Variants in KLHL1 observed in about 807,000 individuals in gnomAD.
KLHL1 encodes kelch like family member 1.
In KLHL1, 47 loss-of-function variants were observed where a neutral mutation model predicts 77.7. The ratio of observed to expected loss-of-function variants is 0.60; its 90% CI spans 0.48 to 0.77. The LOEUF (loss-of-function observed/expected upper bound fraction) is 0.77. KLHL1 is among the 30% of genes least tolerant of loss of function. The probability of loss-of-function intolerance (pLI) is 0.00; values close to 1 mark genes in which losing one functional copy is unlikely to be tolerated. For missense variants in KLHL1, 925 were observed against 910.8 expected, an observed-to-expected ratio of 1.02 and a Z score of -0.20; for synonymous variants, 360 against 325.2, an observed-to-expected ratio of 1.11 and a Z score of -1.15.
At chr13:69,781,590 G>C (rs540200288) in intron 7 of KLHL1, among the ~76,000 whole-genome samples, 3 of 152,072 alleles carry the variant, frequency 2.0e-5, no homozygotes, top group African/African-American at 4.8e-5. Context: ...ATTCATGCTT[G>C]TTGTTCTCAT....
intron 1 of KLHL1, among the ~76,000 whole-genome samples, chr13:70,071,830 G>GCATGGAA (rs1887144651): frequency 6.6e-6 from 1 of 151,974 alleles, no homozygotes; most frequent in Admixed American, 6.6e-5. Context: ...ATGGAATACA[G>GCATGGAA]TACATACAGC....
At chr13:69,946,046 C>T (rs1048894269) in intron 3 of KLHL1, among the ~76,000 whole-genome samples, 3 of 151,876 alleles carry the variant, frequency 2.0e-5, no homozygotes, top group Non-Finnish European at 4.4e-5. Flanking sequence ...ATGTTGAGTG[C>T]AAGATAATTA....
intron 8 of KLHL1, among the ~76,000 whole-genome samples, chr13:69,737,352 T>A (rs1471013967): frequency 6.6e-6 from 1 of 152,194 alleles, no homozygotes; most frequent in Admixed American, 6.5e-5. Context: ...AGGAGATCCG[T>A]CCACTCCCGT....
rs369996004 is a variant in KLHL1, at chr13:69,979,853, T to C, written c.498-4051A>G. Among the ~76,000 whole-genome samples, 81 of 152,332 alleles carry C rather than the reference T, an allele frequency of 5.3e-4. 1 individual carries two copies. The South Asian group carries it at 0.016, about 31-fold the overall frequency. ...ATAAAATTGTTTTGATCTCTTGAAC[T>C]CCTCAAACCATAGCTATACTATTCT... On this transcript the variant is annotated intron_variant, in intron 1 of 10. Transcript: ENST00000377844.
At chr13:69,761,439 T>C (rs141849776) in intron 7 of KLHL1, among the ~76,000 whole-genome samples, 97 of 152,314 alleles carry the variant, frequency 6.4e-4, no homozygotes, top group East Asian at 5.0e-3. Context: ...GATGGAACTT[T>C]AGGCTAAACT....
intron 1 of KLHL1, among the ~76,000 whole-genome samples, chr13:70,033,456 A>G (rs1469616155): frequency 6.6e-6 from 1 of 151,460 alleles, no homozygotes; most frequent in Non-Finnish European, 1.5e-5. Context: ...CGCCTGGCTA[A>G]TTTGTTTTTT....
intron 1 of KLHL1, among the ~76,000 whole-genome samples, chr13:69,997,351 A>T (rs572746339): frequency 6.6e-6 from 1 of 151,710 alleles, no homozygotes; most frequent in Admixed American, 6.6e-5. Flanking sequence ...CAAATTGTTG[A>T]ATGCACAATG....
At chr13:70,057,322 T>C (rs1471209214) in intron 1 of KLHL1, among the ~76,000 whole-genome samples, 1 of 151,992 alleles carries the variant, frequency 6.6e-6, no homozygotes, top group Admixed American at 6.6e-5. Context: ...TCTTAGAACC[T>C]TATAGCTTCA....
Position 69,961,353 on chromosome 13 carries a change from T to G in KLHL1, c.772A>C (p.Ile258Leu). 6.2e-7 allele frequency: 1 copy of G among 1,613,164 alleles called. No homozygotes were observed. Among genetic ancestry groups the G allele is most frequent in the Non-Finnish European group, 8.5e-7 (1 of 1,179,378 alleles). The change falls in exon 3 of 11, where the codon ATA becomes CTA. Residue 258 changes from isoleucine to leucine, a missense_variant. Ile to Leu is a conservative substitution (Grantham distance 5). Transcript: ENST00000377844. The stretch of plus-strand genomic sequence containing the variant: ...AGGTCCCAGAGAGCATTGGGGTCTA[T>G]GCCTTCCATTTTGATCTCCTCTTGC... The part of the protein sequence containing the change: ...AKQEEIKMEG[I>L]DPNALWDLVQ...
chr13:69,974,252 T>C (rs1265817416), intron 2 of KLHL1, among the ~76,000 whole-genome samples: 4 of 151,140 alleles, frequency 2.6e-5, no homozygotes, highest in African/African-American at 7.3e-5. Context: ...GTATTTAGTT[T>C]AATATATTCT....
intron 8 of KLHL1, among the ~76,000 whole-genome samples, chr13:69,730,936 C>T (rs1055795105): frequency 1.1e-4 from 17 of 151,994 alleles, no homozygotes; most frequent in Non-Finnish European, 2.2e-4. Context: ...TAGATATACC[C>T]ACTGGATAGT....
chr13:70,087,848 G>C (rs1249067159), intron 1 of KLHL1, among the ~76,000 whole-genome samples: 1 of 152,126 alleles, frequency 6.6e-6, no homozygotes, highest in East Asian at 1.9e-4. Flanking sequence ...CCACCTTCTA[G>C]GAGGAAGTAG....
At chr13:69,977,433 G>A (rs1201889405) in intron 1 of KLHL1, among the ~76,000 whole-genome samples, 1 of 151,888 alleles carries the variant, frequency 6.6e-6, no homozygotes, top group Non-Finnish European at 1.5e-5. Context: ...ATGACGGTAT[G>A]AAAAATAAAT....
chr13:69,833,202 A>G (rs1878831820), intron 6 of KLHL1, among the ~76,000 whole-genome samples: 1 of 152,178 alleles, frequency 6.6e-6, no homozygotes, highest in Non-Finnish European at 1.5e-5. Flanking sequence ...TTCACAAACT[A>G]TGCATCTGAT....
At position 69,851,243 on chromosome 13, in the gene KLHL1, T is replaced by C. The variant is rs368508598; in HGVS notation, c.1228-12081A>G. Among the ~76,000 whole-genome samples the C allele has an allele frequency of 6.6e-5, 10 of 151,844 alleles. No individual in the cohort carries two copies. In the East Asian group the frequency reaches 1.4e-3, roughly 21 times the overall value. ...TAATTACATTTTGCAAGAAGATAATTAGAAAAGGATATATTCAAACACATG... is the reference window on the plus strand; with the variant it reads ...TAATTACATTTTGCAAGAAGATAATCAGAAAAGGATATATTCAAACACATG... On this transcript the variant is annotated intron_variant, in intron 5 of 10. Transcript: ENST00000377844.
chr13:70,061,549 C>G (rs1362347452), intron 1 of KLHL1, among the ~76,000 whole-genome samples: 1 of 152,138 alleles, frequency 6.6e-6, no homozygotes, highest in Non-Finnish European at 1.5e-5. Context: ...CAAGCTGTGC[C>G]TGAGTTAGTA....
intron 1 of KLHL1, among the ~76,000 whole-genome samples, chr13:70,061,088 G>C (rs574917552): frequency 6.0e-4 from 92 of 152,164 alleles, no homozygotes; most frequent in African/African-American, 2.1e-3. Context: ...AGGGGTCACT[G>C]GGGGAGGGAG....
rs1279035757 is a variant in KLHL1, at chr13:69,971,330, C to T, written c.680+4290G>A. Among the ~76,000 whole-genome samples, 6 of 151,938 alleles carry T rather than the reference C, an allele frequency of 3.9e-5. No homozygotes were observed. The East Asian group carries it at 9.6e-4, about 24-fold the overall frequency. Reference sequence around the variant, plus strand: ...TCATCATCATCATCATTATCATTGACTCAGTTGTTATTCCTCTCCTCAAGA... The same window carrying T: ...TCATCATCATCATCATTATCATTGATTCAGTTGTTATTCCTCTCCTCAAGA... On this transcript the variant is annotated intron_variant, in intron 2 of 10. Transcript: ENST00000377844.
At chr13:69,944,894 T>C (rs1883469393) in intron 3 of KLHL1, among the ~76,000 whole-genome samples, 1 of 152,086 alleles carries the variant, frequency 6.6e-6, no homozygotes, top group Non-Finnish European at 1.5e-5. Flanking sequence ...CAAAAACTTG[T>C]ATTTGATGTA....
Sources: gnomAD v4.1 joint callset for allele counts (sites outside exome capture counted in the v4.1 genomes callset) on GRCh38, gnomAD v4.1.1 for gene constraint, MANE v1.5 for transcripts, NCBI Gene and HGNC (gene_info 2026-07-23, HGNC 2026-07-21) for gene names.